H2AZ2: variants seen among roughly 807,000 people sequenced by gnomAD.
H2AZ2 encodes H2A.Z variant histone 2, also known as histone H2A.V.
In H2AZ2, 5 loss-of-function variants were observed where a neutral mutation model predicts 15.5. The ratio of observed to expected loss-of-function variants is 0.32; its 90% confidence interval spans 0.17 to 0.68. The LOEUF is 0.68. H2AZ2 is among the 30% of genes least tolerant of loss of function. The pLI, the probability that H2AZ2 is intolerant of heterozygous loss-of-function variation, is 0.72. For missense variants in H2AZ2, 42 were observed against 162.5 expected (o/e 0.26, Z 4.03); for synonymous variants, 44 against 57.4 (o/e 0.77, Z 1.05).
In H2AZ2 at chr7:44,832,061, A is replaced by C. The variant is rs1391104434; in HGVS notation, c.*2440T>G. Among the ~76,000 whole-genome samples, 1 of 152,240 alleles carries C rather than the reference A, an allele frequency of 6.6e-6. No homozygotes were observed. Among genetic ancestry groups the C allele is most frequent in the Non-Finnish European group, 1.5e-5 (1 of 68,042 alleles). ...CATTAGGATACATTCAGTAAAATCCACTGAAGGACAATTCTATAGGACAAA... is the reference window on the plus strand; with the variant it reads ...CATTAGGATACATTCAGTAAAATCCCCTGAAGGACAATTCTATAGGACAAA... On this transcript the variant is annotated 3_prime_UTR_variant, in exon 5 of 5. Transcript: ENST00000308153.
chr7:44,827,222 A>C (rs1792936844), downstream of H2AZ2: 1 of 152,262 alleles, frequency 6.6e-6, no homozygotes, highest in South Asian at 2.1e-4. Flanking sequence ...AGAGTTTACA[A>C]ATAAGCAGTT....
chr7:44,844,381 G>A (rs1296601379), intron 1 of H2AZ2, among the ~76,000 whole-genome samples: 1 of 152,208 alleles, frequency 6.6e-6, no homozygotes. Context: ...TACTTATGAG[G>A]TCCCTAAAAT....
intron 3 of H2AZ2, among the ~76,000 whole-genome samples, chr7:44,838,221 C>T (rs1325536956): frequency 6.6e-6 from 1 of 152,082 alleles, no homozygotes; most frequent in Admixed American, 6.5e-5. Context: ...GATCTGCCCA[C>T]CTCAGCCTCC....
chr7:44,840,598 C>G (rs1793251934), intron 3 of H2AZ2, among the ~76,000 whole-genome samples: 1 of 152,164 alleles, frequency 6.6e-6, no homozygotes, highest in African/African-American at 2.4e-5. Flanking sequence ...TGGTGAAACT[C>G]TGTCTCTACT....
At position 44,847,981 on chromosome 7, in the gene H2AZ2, G is replaced by T; in HGVS notation, c.-10C>A. Reference sequence around the variant, plus strand: ...CGGCCGCCCTTACCATGTTCTCGGCGCCGACTCCGCCTCCGCTCGGCCGCG... The same window carrying T: ...CGGCCGCCCTTACCATGTTCTCGGCTCCGACTCCGCCTCCGCTCGGCCGCG... On this transcript the variant is annotated 5_prime_UTR_variant, in exon 1 of 5. Transcript: ENST00000308153. 6.9e-7 allele frequency: 1 copy of T among 1,441,966 alleles called. No homozygotes were observed. Among genetic ancestry groups the T allele is most frequent in the Non-Finnish European group, 9.1e-7 (1 of 1,099,438 alleles). The allele number at this position is 1,441,966 out of a possible 1,614,324, so 89.3% of individuals were successfully genotyped here.
chr7:44,836,622 A>G (rs1335627551), intron 3 of H2AZ2, among the ~76,000 whole-genome samples: 1 of 152,000 alleles, frequency 6.6e-6, no homozygotes, highest in East Asian at 1.9e-4. Context: ...GGTTCAAACT[A>G]TTCTCCTGCC....
Position 44,834,253 on chromosome 7 carries a change from A to C in H2AZ2, c.*248T>G. The stretch of plus-strand genomic sequence containing the variant: ...TTAATTTTGTAAAAAATGGTTTATC[A>C]ATTCCATTTTTGTATAAAACACACG... On this transcript the variant is annotated 3_prime_UTR_variant, in exon 5 of 5. Coordinates refer to ENST00000308153, the MANE Select transcript of H2AZ2 (RefSeq NM_012412.5). 1 of 1,240,464 alleles carries C rather than the reference A, an allele frequency of 8.1e-7. No individual in the cohort carries two copies. Among genetic ancestry groups the C allele is most frequent in the Non-Finnish European group, 1.0e-6 (1 of 989,120 alleles). 76.8% of individuals were successfully genotyped at this position (1,240,464 alleles called of 1,614,324 possible). A position where few individuals can be genotyped will look rare whatever the true frequency, so the allele number is the denominator to read the frequency against.
In H2AZ2 at chr7:44,844,809, C is replaced by T. The variant is rs536625880; in HGVS notation, c.4-1455G>A. Among the ~76,000 whole-genome samples, 28 of 152,134 alleles carry T rather than the reference C, an allele frequency of 1.8e-4. No homozygotes were observed. The South Asian group carries it at 5.8e-3, about 32-fold the overall frequency. On this transcript the variant is annotated intron_variant, in intron 1 of 4. Transcript: ENST00000308153. ...CTGCATGAAAAAGGCAAAGTATGTGCCAATGTAATGAGCTTTTAAGTAAAT... is the reference window on the plus strand; with the variant it reads ...CTGCATGAAAAAGGCAAAGTATGTGTCAATGTAATGAGCTTTTAAGTAAAT...
chr7:44,833,692 A>C lies in H2AZ2; in HGVS notation c.*809T>G, dbSNP rs184063663. 2.4e-4 allele frequency: 240 copies of C among 985,352 alleles called. No individual in the cohort carries two copies. The Middle Eastern group carries it at 5.2e-3, about 21-fold the overall frequency. The allele number at this position is 985,352 out of a possible 1,614,324, so 61.0% of individuals were successfully genotyped here. A position where few individuals can be genotyped will look rare whatever the true frequency, so the allele number is the denominator to read the frequency against. On this transcript the variant is annotated 3_prime_UTR_variant, in exon 5 of 5. Coordinates refer to ENST00000308153, the MANE Select transcript of H2AZ2 (RefSeq NM_012412.5). ...AACCAAAAGGAGAAACCTTTGATAA[A>C]CTGAACATCAATTCCAGGTAAAACT...
downstream of H2AZ2, among the ~76,000 whole-genome samples, chr7:44,830,965 G>C (rs1413402605): frequency 2.0e-5 from 3 of 152,140 alleles, no homozygotes; most frequent in Non-Finnish European, 4.4e-5. Context: ...CTCCAGCCTA[G>C]GCAACAGAGT....
At chr7:44,830,184 A>G, downstream of H2AZ2, 2 of 1,612,360 alleles carry the variant, frequency 1.2e-6, no homozygotes, top group South Asian at 2.2e-5. Flanking sequence ...ATAACAGGAC[A>G]AATAGAGAAT....
At position 44,834,367 on chromosome 7, in the gene H2AZ2, T is replaced by C. The variant is rs948283900; in HGVS notation, c.*134A>G. The stretch of plus-strand genomic sequence containing the variant: ...GAGTCTAAGAACATACAAATGTTTC[T>C]TTTATCATGTCTACAGTAATTGTCT... On this transcript the variant is annotated 3_prime_UTR_variant, in exon 5 of 5. Coordinates refer to ENST00000308153, the MANE Select transcript of H2AZ2 (RefSeq NM_012412.5). The C allele has an allele frequency of 7.4e-7, 1 of 1,348,204 alleles. No individual in the cohort carries two copies. Among genetic ancestry groups the C allele is most frequent in the African/African-American group, 1.5e-5 (1 of 68,596 alleles). 83.5% of individuals were successfully genotyped at this position (1,348,204 alleles called of 1,614,324 possible).
At chr7:44,834,784 CT>C (rs35455193) in intron 4 of H2AZ2, 11,751 of 159,226 alleles carry the variant, frequency 0.074, 31 homozygotes, top group South Asian at 0.13. Context: ...GTAACCATAG[CT>C]TTTTTTTTTT....
Position 44,848,021 on chromosome 7 carries a change from C to T in H2AZ2, c.-50G>A. On this transcript the variant is annotated 5_prime_UTR_variant, in exon 1 of 5. Coordinates refer to ENST00000308153, the MANE Select transcript of H2AZ2 (RefSeq NM_012412.5). ...GCTCGGCCGCGCGCCCTCCCGCTGC[C>T]GACCCGCGCCGCCGCCGCCGCTCTC... 1.2e-5 allele frequency: 14 copies of T among 1,204,438 alleles called. No individual in the cohort carries two copies. The highest frequency in any genetic ancestry group is 1.4e-5 in the Non-Finnish European group (13 of 951,170). The allele number at this position is 1,204,438 out of a possible 1,614,324, so 74.6% of individuals were successfully genotyped here. A position where few individuals can be genotyped will look rare whatever the true frequency, so the allele number is the denominator to read the frequency against.
chr7:44,841,393 G>A (rs139136974), intron 2 of H2AZ2, among the ~76,000 whole-genome samples: 217 of 152,244 alleles, frequency 1.4e-3, no homozygotes, highest in African/African-American at 4.8e-3. Context: ...AGTTTCAAGA[G>A]GTGATCTGAT....
chr7:44,836,604 A>AC (rs1793129041), intron 3 of H2AZ2, among the ~76,000 whole-genome samples: 1 of 151,544 alleles, frequency 6.6e-6, no homozygotes, highest in Admixed American at 6.6e-5. Flanking sequence ...TGCAACCACC[A>AC]CCTCCCGGGT....
At position 44,838,211 on chromosome 7, in the gene H2AZ2, G is replaced by C. The variant is rs111621184; in HGVS notation, c.196-2553C>G. The stretch of plus-strand genomic sequence containing the variant: ...AATGGTCTCGATCTCTTGACCTCGT[G>C]ATCTGCCCACCTCAGCCTCCCAAAG... On this transcript the variant is annotated intron_variant, in intron 3 of 4. Coordinates refer to ENST00000308153, the MANE Select transcript of H2AZ2 (RefSeq NM_012412.5). Among the ~76,000 whole-genome samples the C allele has an allele frequency of 1.0e-2, 1,515 of 152,038 alleles. 13 individuals carry two copies. The highest frequency in any genetic ancestry group is 0.015 in the Non-Finnish European group (1,009 of 67,970).
chr7:44,837,043 C>T (rs1419161085), intron 3 of H2AZ2, among the ~76,000 whole-genome samples: 1 of 150,992 alleles, frequency 6.6e-6, no homozygotes, highest in African/African-American at 2.4e-5. Flanking sequence ...ACAAAAAAAA[C>T]AGACACAGGG....
chr7:44,827,628 T>C (rs1792944532), downstream of H2AZ2: 1 of 152,244 alleles, frequency 6.6e-6, no homozygotes, highest in Non-Finnish European at 1.5e-5. Flanking sequence ...TTTTAAAAGG[T>C]TTTGTGTAAT....
Sources: gnomAD v4.1 joint callset for allele counts (sites outside exome capture counted in the v4.1 genomes callset) on GRCh38, gnomAD v4.1.1 for gene constraint, MANE v1.5 for transcripts, NCBI Gene and HGNC (gene_info 2026-07-23, HGNC 2026-07-21) for gene names.